Variants in SERGEF observed in about 807,000 individuals in gnomAD.
SERGEF encodes secretion regulating guanine nucleotide exchange factor.
Under a neutral mutation model 50.0 loss-of-function variants are expected in SERGEF, and 51 were observed. That is an observed-to-expected ratio of 1.02 (90% CI 0.81 to 1.29). The LOEUF is 1.29. Among genes scored for constraint, SERGEF ranks in the 50% most tolerant of loss-of-function variants. SERGEF has a pLI of 0.00. For missense variants in SERGEF, 521 were observed against 557.0 expected, an observed-to-expected ratio of 0.94 and a Z score of 0.65; for synonymous variants, 205 against 212.4, an observed-to-expected ratio of 0.97 and a Z score of 0.30.
chr11:17,796,921 T>A (rs1849580816), intron 10 of SERGEF, among the ~76,000 whole-genome samples: 1 of 151,964 alleles, frequency 6.6e-6, no homozygotes, highest in African/African-American at 2.4e-5. Flanking sequence ...CACACCAAGA[T>A]CCACAGCAGC....
At chr11:17,913,560 T>TG (rs879329126) in intron 9 of SERGEF, among the ~76,000 whole-genome samples, 2 of 152,314 alleles carry the variant, frequency 1.3e-5, no homozygotes, top group Non-Finnish European at 2.9e-5. Context: ...GAGGTAGCTT[T>TG]GGGGGGTACT....
chr11:18,009,782 A>G (rs183433393), intron 1 of SERGEF, among the ~76,000 whole-genome samples: 3 of 152,320 alleles, frequency 2.0e-5, no homozygotes, highest in Non-Finnish European at 4.4e-5. Flanking sequence ...TTACAGTCAG[A>G]TGTATTTCAG....
chr11:17,916,667 T>C (rs188921878), intron 9 of SERGEF, among the ~76,000 whole-genome samples: 29 of 152,312 alleles, frequency 1.9e-4, no homozygotes, highest in African/African-American at 6.7e-4. Flanking sequence ...ACCTGGCACA[T>C]AATAAGTACT....
chr11:17,795,050 C>T (rs778844917), intron 10 of SERGEF, among the ~76,000 whole-genome samples: 2 of 152,194 alleles, frequency 1.3e-5, no homozygotes, highest in Non-Finnish European at 2.9e-5. Context: ...TCCATGTTGT[C>T]TCCTCCTGTC....
At position 17,926,816 on chromosome 11, in the gene SERGEF, T is replaced by A. The variant is rs190728143; in HGVS notation, c.1011+32654A>T. 6 of 456,242 alleles carry A rather than the reference T, an allele frequency of 1.3e-5. No homozygotes were observed. In the East Asian group the frequency reaches 3.5e-4, roughly 26 times the overall value. The allele number at this position is 456,242 out of a possible 1,614,324, so 28.3% of individuals were successfully genotyped here. On this transcript the variant is annotated intron_variant, in intron 9 of 10. Coordinates refer to ENST00000265965, the MANE Select transcript of SERGEF (RefSeq NM_012139.4). Reference sequence around the variant, plus strand: ...CTGAGACCAGAGCTCTAGGAATTCATCTCCACATCTCCCACTGTGCAGTTC... The same window carrying A: ...CTGAGACCAGAGCTCTAGGAATTCAACTCCACATCTCCCACTGTGCAGTTC...
At chr11:17,979,760 G>A (rs901607847) in intron 8 of SERGEF, among the ~76,000 whole-genome samples, 1 of 152,056 alleles carries the variant, frequency 6.6e-6, no homozygotes, top group African/African-American at 2.4e-5. Context: ...TAACTAGGTC[G>A]CTTGCTTTTC....
intron 8 of SERGEF, among the ~76,000 whole-genome samples, chr11:17,968,382 T>C (rs1853173666): frequency 6.6e-6 from 1 of 152,176 alleles, no homozygotes; most frequent in African/African-American, 2.4e-5. Flanking sequence ...ATACACCAGG[T>C]GCTGTCCTAG....
At chr11:17,954,590 T>C (rs1053197777) in intron 9 of SERGEF, among the ~76,000 whole-genome samples, 1 of 152,234 alleles carries the variant, frequency 6.6e-6, no homozygotes, top group African/African-American at 2.4e-5. Flanking sequence ...GTTTTAGTCC[T>C]GCTGCAAATG....
intron 9 of SERGEF, among the ~76,000 whole-genome samples, chr11:17,942,426 C>T (rs1852579123): frequency 6.6e-6 from 1 of 151,952 alleles, no homozygotes; most frequent in African/African-American, 2.4e-5. Context: ...TTCTTTGATG[C>T]TGCTATATAA....
At chr11:17,916,502 AAGT>A (rs1368406218) in intron 9 of SERGEF, among the ~76,000 whole-genome samples, 1 of 152,244 alleles carries the variant, frequency 6.6e-6, no homozygotes. Context: ...ATTAGAATCA[AAGT>A]AGAGACCTGG....
intron 9 of SERGEF, among the ~76,000 whole-genome samples, chr11:17,950,842 A>T (rs112393352): frequency 3.3e-5 from 5 of 152,352 alleles, no homozygotes; most frequent in South Asian, 4.1e-4. Context: ...ACAGCTGGTC[A>T]GCTCCAGGGT....
intron 9 of SERGEF, among the ~76,000 whole-genome samples, chr11:17,908,037 G>A (rs537765491): frequency 2.6e-4 from 40 of 152,134 alleles, no homozygotes; most frequent in African/African-American, 9.2e-4. Flanking sequence ...CAAGTTCTCC[G>A]CAACTTAGCC....
chr11:17,883,805 T>C (rs1851378612), intron 9 of SERGEF, among the ~76,000 whole-genome samples: 1 of 152,148 alleles, frequency 6.6e-6, no homozygotes, highest in African/African-American at 2.4e-5. Flanking sequence ...TCTGGAATGA[T>C]CAAGGAGCTG....
intron 10 of SERGEF, chr11:17,854,954 A>G (rs1266533383): frequency 6.6e-6 from 1 of 152,222 alleles, no homozygotes. Context: ...GAGCATTTTC[A>G]TTCTTTATCT....
chr11:17,984,641 T>A (rs1853558326), intron 8 of SERGEF, among the ~76,000 whole-genome samples: 1 of 152,076 alleles, frequency 6.6e-6, no homozygotes, highest in Non-Finnish European at 1.5e-5. Context: ...ACTGCAGGAT[T>A]TAGTTAAGAG....
At chr11:17,833,706 C>T (rs1850353701) in intron 10 of SERGEF, among the ~76,000 whole-genome samples, 1 of 152,190 alleles carries the variant, frequency 6.6e-6, no homozygotes, top group Admixed American at 6.5e-5. Flanking sequence ...ATCAAGTGAC[C>T]TGGATGTGAG....
chr11:18,012,721 GC>G, intron 1 of SERGEF: 1 of 1,302,166 alleles, frequency 7.7e-7, no homozygotes, highest in Non-Finnish European at 1.0e-6. Context: ...AGCCCCTCCG[GC>G]CCTGACCCCG....
At chr11:17,793,019 C>A (rs770715491) in intron 10 of SERGEF, among the ~76,000 whole-genome samples, 2 of 152,174 alleles carry the variant, frequency 1.3e-5, no homozygotes, top group Non-Finnish European at 1.5e-5. Context: ...CTATGGACTA[C>A]GCTATGCTGT....
chr11:17,935,001 G>C (rs1010315213), intron 9 of SERGEF, among the ~76,000 whole-genome samples: 11 of 152,028 alleles, frequency 7.2e-5, no homozygotes, highest in Non-Finnish European at 1.6e-4. Context: ...TAGTGCTCCT[G>C]GATGTGCCTC....
Sources: gnomAD v4.1 joint callset for allele counts (sites outside exome capture counted in the v4.1 genomes callset) on GRCh38, gnomAD v4.1.1 for gene constraint, MANE v1.5 for transcripts, NCBI Gene and HGNC (gene_info 2026-07-23, HGNC 2026-07-21) for gene names.